The following KRABD3 variants were observed in gnomAD, a reference collection of about 807,000 sequenced individuals.
The protein encoded by KRABD3 is KRAB domain-containing protein 3.
At chr7:149,728,708 C>G in the KRABD3 span, 2 of 1,606,358 alleles carry the variant, frequency 1.2e-6, no homozygotes, top group Admixed American at 3.4e-5. Flanking sequence ...TGGGTGTAGA[C>G]AGGGCTGCTC....
chr7:149,722,342 C>CT, the KRABD3 span: 6 of 1,551,552 alleles, frequency 3.9e-6, no homozygotes, highest in Non-Finnish European at 5.2e-6. Context: ...GGGCTGTCCT[C>CT]TATGGGAACC....
the KRABD3 span, among the ~76,000 whole-genome samples, chr7:149,721,189 C>CAG: frequency 6.6e-6 from 1 of 152,232 alleles, no homozygotes; most frequent in African/African-American, 2.4e-5. Context: ...CTGACTTTCG[C>CAG]ATGGTGGTTT....
the KRABD3 span, chr7:149,726,118 G>T: frequency 1.3e-6 from 2 of 1,481,674 alleles, no homozygotes; most frequent in African/African-American, 1.4e-5. Context: ...AAGGCCCCTT[G>T]CCCAGTCCCT....
the KRABD3 span, chr7:149,720,811 G>A: frequency 6.4e-7 from 1 of 1,563,780 alleles, no homozygotes; most frequent in African/African-American, 1.4e-5. Context: ...GGGGTGCGGG[G>A]GGGTCACTGT....
At chr7:149,733,167 C>T in the KRABD3 span, 16 of 1,548,836 alleles carry the variant, frequency 1.0e-5, no homozygotes, top group Non-Finnish European at 1.4e-5. Context: ...AAGGTCCTTA[C>T]AAACCAGGAA....
At chr7:149,733,373 G>A in the KRABD3 span, 33 of 1,611,784 alleles carry the variant, frequency 2.0e-5, no homozygotes, top group East Asian at 3.1e-4. Context: ...GCACAGCCTC[G>A]GTGCTGCCCT....
At chr7:149,731,076 T>C in the KRABD3 span, among the ~76,000 whole-genome samples, 1 of 152,158 alleles carries the variant, frequency 6.6e-6, no homozygotes. Flanking sequence ...AGGTCCCAGT[T>C]GCCTGGGAGA....
At chr7:149,724,603 GGT>G in the KRABD3 span, 19 of 1,356,430 alleles carry the variant, frequency 1.4e-5, no homozygotes, top group South Asian at 3.2e-4. Flanking sequence ...GGATTCTCAG[GGT>G]GAGTCCAGGC....
At chr7:149,722,385 G>A in the KRABD3 span, 2 of 1,578,736 alleles carry the variant, frequency 1.3e-6, no homozygotes, top group Non-Finnish European at 1.7e-6. Context: ...GTCTGGAGCT[G>A]GGGCTAGAAA....
At chr7:149,729,077 G>A in the KRABD3 span, 97,728 of 818,746 alleles carry the variant, frequency 0.12, 6,279 homozygotes, top group Middle Eastern at 0.24. Context: ...CACACCTGAT[G>A]CTGGTGTGCC....
the KRABD3 span, chr7:149,733,536 C>G: frequency 6.3e-7 from 1 of 1,597,078 alleles, no homozygotes; most frequent in Non-Finnish European, 8.5e-7. Context: ...CCACGGGGAC[C>G]TCGCTGGGCT....
chr7:149,732,103 C>G, the KRABD3 span, among the ~76,000 whole-genome samples: 1 of 152,178 alleles, frequency 6.6e-6, no homozygotes, highest in African/African-American at 2.4e-5. This position sits in a 1 kb window ranked among gnomAD's most constrained non-coding sequence, Gnocchi z 4.0. Flanking sequence ...ATGTCACACA[C>G]GTGCCCCTAC....
the KRABD3 span, among the ~76,000 whole-genome samples, chr7:149,719,150 G>C: frequency 6.6e-6 from 1 of 152,174 alleles, no homozygotes; most frequent in African/African-American, 2.4e-5. The surrounding 1 kb of genome is among the most constrained non-coding windows in gnomAD (Gnocchi z 5.6). Flanking sequence ...GCATTCCTTG[G>C]CTTGTGGCTG....
the KRABD3 span, among the ~76,000 whole-genome samples, chr7:149,720,341 C>T: frequency 2.0e-5 from 3 of 152,170 alleles, no homozygotes; most frequent in Non-Finnish European, 4.4e-5. Flanking sequence ...AGAGTACCTC[C>T]TGCCTCAGGC....
chr7:149,721,072 T>C, the KRABD3 span: 3 of 1,513,314 alleles, frequency 2.0e-6, no homozygotes, highest in Non-Finnish European at 2.7e-6. Context: ...CTGCACTGCA[T>C]GTGGGCTTGC....
At chr7:149,730,286 C>T in the KRABD3 span, 2 of 1,551,158 alleles carry the variant, frequency 1.3e-6, no homozygotes, top group South Asian at 1.2e-5. Context: ...GCTTCAGCGG[C>T]TCTGAAGGAG....
At chr7:149,720,979 C>A in the KRABD3 span, 3 of 1,613,430 alleles carry the variant, frequency 1.9e-6, no homozygotes, top group Non-Finnish European at 2.5e-6. Flanking sequence ...GGAGAGAGAG[C>A]GAGCCCCGAG....
chr7:149,725,419 C>A, the KRABD3 span: 1 of 1,612,038 alleles, frequency 6.2e-7, no homozygotes. Flanking sequence ...TTCTTGTTCC[C>A]AGAACCCCCA....
chr7:149,734,200 GC>G, the KRABD3 span: 5 of 1,043,238 alleles, frequency 4.8e-6, no homozygotes, highest in East Asian at 5.3e-5. Flanking sequence ...ACTGGGTAGA[GC>G]CCCCAGGTGC....
Sources: gnomAD v4.1 joint callset for allele counts (sites outside exome capture counted in the v4.1 genomes callset) on GRCh38, gnomAD v4.1.1 for gene constraint, Gnocchi (gnomAD v3.1) non-coding constraint, MANE v1.5 for transcripts, NCBI Gene and HGNC (gene_info 2026-07-23, HGNC 2026-07-21) for gene names.